The following TRERF1 variants were observed in gnomAD, a reference collection of about 807,000 sequenced individuals.
TRERF1 encodes the protein transcriptional-regulating factor 1.
TRERF1 carries 27 observed loss-of-function variants against 122.9 expected under a neutral mutation model. That is an observed-to-expected ratio of 0.22 (90% CI 0.16 to 0.30). TRERF1 has a LOEUF of 0.30. Among genes scored for constraint, TRERF1 ranks in the 10% least tolerant of loss-of-function variants. The probability of loss-of-function intolerance (pLI) is 1.00; values close to 1 mark genes in which losing one functional copy is unlikely to be tolerated. For missense variants in TRERF1, 1,248 were observed against 1,560.3 expected, an observed-to-expected ratio of 0.80 and a Z score of 3.37; for synonymous variants, 636 against 641.7, an observed-to-expected ratio of 0.99 and a Z score of 0.13.
chr6:42,319,060 C>G (rs1762961151), intron 3 of TRERF1, among the ~76,000 whole-genome samples: 3 of 152,248 alleles, frequency 2.0e-5, no homozygotes. Flanking sequence ...TTCTGTTTCC[C>G]TTCCACCTGA....
intron 3 of TRERF1, among the ~76,000 whole-genome samples, chr6:42,351,822 A>G (rs571426980): frequency 9.2e-5 from 14 of 152,138 alleles, no homozygotes; most frequent in Non-Finnish European, 1.8e-4. Flanking sequence ...CCATCTGCCA[A>G]ACAGACACAG....
At position 42,268,300 on chromosome 6, in the gene TRERF1, T is replaced by C. The variant is rs35162277; in HGVS notation, c.1291A>G (p.Thr431Ala). The C allele has an allele frequency of 1.8e-3, 2,759 of 1,513,348 alleles. 41 individuals are homozygous for C. The African/African-American group carries it at 0.034, about 19-fold the overall frequency. The allele number at this position is 1,513,348 out of a possible 1,614,324, so 93.7% of individuals were successfully genotyped here. A position where few individuals can be genotyped will look rare whatever the true frequency, so the allele number is the denominator to read the frequency against. ...GAGCTCGCTGGGTCTCCCATTCCTG[T>C]GTCAGGAGGCCCCAGGTCCCCATGG... Residue 431 changes from threonine (T) to alanine (A), a missense_variant, in exon 5 of 18, where the codon ACA becomes GCA. Coordinates refer to ENST00000372922, the Ensembl canonical transcript of TRERF1. This position sits in a 1 kb window ranked among gnomAD's most constrained non-coding sequence, Gnocchi z 4.4.
chr6:42,353,104 G>C lies in TRERF1; in HGVS notation c.-371+9893C>G, dbSNP rs147723452. ...AGGCTGGGCTTGAGCCCAGGAGTTC[G>C]AGGCTGCAGTGAGCTGTGATCACAC... On this transcript the variant is annotated intron_variant, in intron 3 of 17. Transcript: ENST00000372922. 1.5e-4 allele frequency among the ~76,000 whole-genome samples: 23 copies of C among 152,276 alleles called. No individual in the cohort carries two copies. In the East Asian group the frequency reaches 4.0e-3, roughly 27 times the overall value.
intron 3 of TRERF1, among the ~76,000 whole-genome samples, chr6:42,310,904 C>A (rs1788119315): frequency 6.6e-6 from 1 of 152,176 alleles, no homozygotes; most frequent in Non-Finnish European, 1.5e-5. Context: ...CATTTCCAAT[C>A]CCAAGGGCAA....
chr6:42,394,576 T>A (rs914632922), intron 2 of TRERF1, among the ~76,000 whole-genome samples: 1 of 152,062 alleles, frequency 6.6e-6, no homozygotes, highest in Non-Finnish European at 1.5e-5. Flanking sequence ...GGATTGGGAA[T>A]AAAAACCAAG....
In TRERF1 at chr6:42,263,403, C is replaced by T; in HGVS notation, c.1801G>A (p.Gly601Arg). Reference sequence around the variant, plus strand: ...GCGGCAACGGTGCTGTTGGTGAACCCCTGAGAGCTGGGCTTGGGCGGGAGA... The same window carrying T: ...GCGGCAACGGTGCTGTTGGTGAACCTCTGAGAGCTGGGCTTGGGCGGGAGA... Residue 601 changes from glycine to arginine, a missense_variant, in exon 8 of 18, where the codon GGG becomes AGG. By Grantham distance (125) the Gly-to-Arg change is moderately radical. This residue lies in a region of TRERF1 where 946 missense variants were observed against 1,073.0 expected (regional missense o/e 0.88). Transcript: ENST00000372922. The surrounding 1 kb of genome is among the most constrained non-coding windows in gnomAD (Gnocchi z 5.6). 2 of 1,612,508 alleles carry T rather than the reference C, an allele frequency of 1.2e-6. No homozygotes were observed. The highest frequency in any genetic ancestry group is 2.2e-5 in the East Asian group (1 of 44,826).
At chr6:42,283,695 C>A (rs1014259485) in intron 4 of TRERF1, among the ~76,000 whole-genome samples, 1 of 149,200 alleles carries the variant, frequency 6.7e-6, no homozygotes, top group African/African-American at 2.5e-5. Context: ...CGGCTCACCA[C>A]AACCTCCACC....
intron 3 of TRERF1, among the ~76,000 whole-genome samples, chr6:42,361,230 C>T (rs1408530468): frequency 6.6e-6 from 1 of 152,194 alleles, no homozygotes; most frequent in African/African-American, 2.4e-5. Context: ...AAGCAACCCT[C>T]ACCAGAACCT....
intron 3 of TRERF1, among the ~76,000 whole-genome samples, chr6:42,323,194 GT>G (rs369315779): frequency 0.17 from 24,336 of 141,316 alleles, 2,735 homozygotes; most frequent in African/African-American, 0.34. Flanking sequence ...CTTTCCCCCA[GT>G]TTTTTTTTTT....
Position 42,233,321 on chromosome 6 carries a change from T to A in TRERF1, c.3067-429A>T, listed in dbSNP as rs1771055298. Reference sequence around the variant, plus strand: ...TTTTTTTTGAGACAGAGTCTCGCTCTGTCACCCAGGCTGGAGTGTGGTGGT... The same window carrying A: ...TTTTTTTTGAGACAGAGTCTCGCTCAGTCACCCAGGCTGGAGTGTGGTGGT... On this transcript the variant is annotated intron_variant, in intron 16 of 17. Coordinates refer to ENST00000372922, the Ensembl canonical transcript of TRERF1. Among the ~76,000 whole-genome samples, 3 of 148,240 alleles carry A rather than the reference T, an allele frequency of 2.0e-5. No individual in the cohort carries two copies. The South Asian group carries it at 6.5e-4, about 32-fold the overall frequency.
At chr6:42,287,730 T>C (rs1783522109) in intron 4 of TRERF1, among the ~76,000 whole-genome samples, 2 of 152,138 alleles carry the variant, frequency 1.3e-5, no homozygotes, top group Non-Finnish European at 2.9e-5. Context: ...TCCTGCCCAC[T>C]TCTCCTGCAC....
In TRERF1 at chr6:42,393,017, C is replaced by T. The variant is rs911189192; in HGVS notation, c.-453-29938G>A. On this transcript the variant is annotated intron_variant, in intron 2 of 17. Coordinates refer to ENST00000372922, the Ensembl canonical transcript of TRERF1. The surrounding 1 kb of genome is among the most constrained non-coding windows in gnomAD (Gnocchi z 4.1). Reference sequence around the variant, plus strand: ...ACTATGGCGTTTCAAGCTGCCGACGCGAGGGCCACTGGACATGGAGTTGGG... The same window carrying T: ...ACTATGGCGTTTCAAGCTGCCGACGTGAGGGCCACTGGACATGGAGTTGGG... 7.9e-5 allele frequency among the ~76,000 whole-genome samples: 12 copies of T among 151,962 alleles called. No homozygotes were observed. The highest frequency in any genetic ancestry group is 2.9e-4 in the African/African-American group (12 of 41,330).
intron 2 of TRERF1, among the ~76,000 whole-genome samples, chr6:42,447,839 G>T (rs1385401278): frequency 6.6e-6 from 1 of 151,952 alleles, no homozygotes; most frequent in Non-Finnish European, 1.5e-5. Flanking sequence ...CAAGTAACTG[G>T]GATTACAGAC....
rs975131193 is a variant in TRERF1 at position 42,259,237 on chromosome 6, C to T, written c.2269+102G>A. On this transcript the variant is annotated intron_variant, in intron 9 of 17. Coordinates refer to ENST00000372922, the Ensembl canonical transcript of TRERF1. The surrounding 1 kb of genome is among the most constrained non-coding windows in gnomAD (Gnocchi z 4.9). ...CGCGTGCTACATACAGCCAATACTCCGCAAAAGTCTGTGGGATAAATGAGA... is the reference window on the plus strand; with the variant it reads ...CGCGTGCTACATACAGCCAATACTCTGCAAAAGTCTGTGGGATAAATGAGA... The T allele has an allele frequency of 2.0e-5, 29 of 1,415,254 alleles. No homozygotes were observed. The highest frequency in any genetic ancestry group is 2.6e-5 in the Non-Finnish European group (28 of 1,085,086). The allele number at this position is 1,415,254 out of a possible 1,614,324, so 87.7% of individuals were successfully genotyped here.
At chr6:42,324,395 A>G (rs1763938873) in intron 3 of TRERF1, among the ~76,000 whole-genome samples, 1 of 152,252 alleles carries the variant, frequency 6.6e-6, no homozygotes, top group Admixed American at 6.5e-5. Flanking sequence ...CAGAATTTGA[A>G]AAAACTATTG....
At chr6:42,348,051 G>A (rs1048366977) in intron 3 of TRERF1, among the ~76,000 whole-genome samples, 4 of 152,156 alleles carry the variant, frequency 2.6e-5, no homozygotes, top group African/African-American at 7.2e-5. Context: ...TGCCAATAGT[G>A]ACCTTCACAA....
intron 3 of TRERF1, among the ~76,000 whole-genome samples, chr6:42,322,452 C>T (rs1336839949): frequency 3.3e-5 from 5 of 151,974 alleles, no homozygotes; most frequent in Admixed American, 1.3e-4. Context: ...TAAATTCCTC[C>T]GAATGCAAAC....
intron 13 of TRERF1, 119 bp from the exon 14 acceptor site, chr6:42,246,663 A>G (rs1375215890): frequency 1.6e-6 from 1 of 619,322 alleles, no homozygotes; most frequent in Non-Finnish European, 2.7e-6. Flanking sequence ...TACATATCAA[A>G]CTCCCATTTG....
intron 14 of TRERF1, 152 bp downstream of exon 14, chr6:42,246,304 C>T: frequency 1.6e-6 from 1 of 630,976 alleles, no homozygotes; most frequent in Middle Eastern, 3.6e-4. Flanking sequence ...TGGGGCCATA[C>T]CACCCCTATC....
Sources: allele counts gnomAD v4.1 joint callset (sites outside exome capture counted in the v4.1 genomes callset), GRCh38; gene constraint gnomAD v4.1.1; regional missense constraint gnomAD v4.1.1; non-coding constraint Gnocchi (gnomAD v3.1); transcripts MANE v1.5; gene names NCBI Gene and HGNC (gene_info 2026-07-23, HGNC 2026-07-21).